The following UGT2B11 variants were observed in gnomAD, a reference collection of about 807,000 sequenced individuals.
UGT2B11 encodes UDP glucuronosyltransferase family 2 member B11.
UGT2B11 carries 49 observed loss-of-function variants against 51.7 expected under a neutral mutation model. That is an observed-to-expected ratio of 0.95 (90% CI 0.75 to 1.20). The LOEUF (loss-of-function observed/expected upper bound fraction) is 1.20. UGT2B11 is among the 50% of genes most tolerant of loss of function. The pLI is 0.00. For synonymous variants in UGT2B11, 273 were observed against 209.0 expected (o/e 1.31, Z -2.64); for missense variants, 810 against 622.1 (o/e 1.30, Z -3.21).
At chr4:69,212,290 T>A (rs1384778502) in intron 2 of UGT2B11, among the ~76,000 whole-genome samples, 1 of 151,694 alleles carries the variant, frequency 6.6e-6, no homozygotes, top group Non-Finnish European at 1.5e-5. Context: ...ATTATTTGAA[T>A]GAATGACCAA....
chr4:69,214,719 T>C lies in UGT2B11; in HGVS notation c.4A>G (p.Thr2Ala), dbSNP rs766019848. The C allele has an allele frequency of 5.6e-6, 9 of 1,611,830 alleles. No homozygotes were observed. Among genetic ancestry groups the C allele is most frequent in the African/African-American group, 1.3e-5 (1 of 74,796 alleles). Residue 2 changes from threonine to alanine, a missense_variant, in exon 1 of 6, where the codon ACT (threonine) becomes GCT (alanine). Coordinates refer to ENST00000446444, the MANE Select transcript of UGT2B11 (RefSeq NM_001073.3). M[T>A]LKWTSVLLLI... ...AGAAGAACTGAAGTCCATTTCAGAG[T>C]CATCCTGGTGCAATGCGATCATTCT...
upstream of UGT2B11, among the ~76,000 whole-genome samples, chr4:69,217,567 G>C (rs540159088): frequency 3.3e-5 from 5 of 152,116 alleles, no homozygotes; most frequent in Non-Finnish European, 7.4e-5. Context: ...TCTCAGAACA[G>C]CACTGCTGAA....
At chr4:69,201,393 A>G (rs1361058813) in intron 5 of UGT2B11, 1 of 151,870 alleles carries the variant, frequency 6.6e-6, no homozygotes, top group Non-Finnish European at 1.5e-5. Flanking sequence ...ATGTCAGACT[A>G]TGGCACTCTT....
intron 5 of UGT2B11, among the ~76,000 whole-genome samples, chr4:69,202,750 A>T (rs1721705841): frequency 6.6e-6 from 1 of 151,714 alleles, no homozygotes; most frequent in Non-Finnish European, 1.5e-5. Context: ...ATTTAAATCT[A>T]CCACATTGTT....
rs1165582827 is a variant in UGT2B11, at chr4:69,214,456, G to A, written c.267C>T (p.Ile89=). The A allele has an allele frequency of 1.2e-6, 2 of 1,613,232 alleles. No homozygotes were observed. Among genetic ancestry groups the A allele is most frequent in the Non-Finnish European group, 1.7e-6 (2 of 1,179,520 alleles). The change falls in exon 1 of 6, where the codon ATC becomes ATT. Residue 89 remains isoleucine (I), a synonymous_variant. Coordinates refer to ENST00000446444, the MANE Select transcript of UGT2B11 (RefSeq NM_001073.3). ...TSLTKTEFEN[I]IMQQVKRWSD... ...ACCATCTCTTAACCTGTTGCATGAT[G>A]ATATTCTCAAATTCAGTTTTAGTTA...
chr4:69,223,399 A>T, the UGT2B11 span, among the ~76,000 whole-genome samples: 12 of 152,264 alleles, frequency 7.9e-5, no homozygotes, highest in African/African-American at 2.4e-4. Flanking sequence ...GCTCATGGCC[A>T]CTTTTCCTGA....
chr4:69,204,583 T>C lies in UGT2B11; in HGVS notation c.1157A>G (p.His386Arg), dbSNP rs1721779859. ...TGGAATGCCCACCATAGGGATCCCA[T>C]GGTAGATTGCCTCATAGATGCCATT... is the stretch of plus-strand genomic sequence containing the variant. ...GANGIYEAIYHGIPMVGIPLF... is the reference protein window; with the variant it reads ...GANGIYEAIYRGIPMVGIPLF... Residue 386 changes from histidine (H) to arginine (R), a missense_variant, in exon 5 of 6, where the codon CAT becomes CGT. Transcript: ENST00000446444. 1.2e-6 allele frequency: 2 copies of C among 1,612,144 alleles called. No homozygotes were observed. Among genetic ancestry groups the C allele is most frequent in the South Asian group, 1.1e-5 (1 of 91,046 alleles).
rs1721615234 is a variant in UGT2B11, at chr4:69,200,562, A to G, written c.1468T>C (p.Ser490Pro). Residue 490 changes from serine (S) to proline (P), a missense_variant, in exon 6 of 6, where the codon TCT becomes CCT. Physicochemically the swap from Ser to Pro is moderately conservative, Grantham distance 74. Transcript: ENST00000446444. The stretch of plus-strand genomic sequence containing the variant: ...AGCAGAAACCCAATCACATCCAAAG[A>G]GTGGTACTGGAACCAGGTGAGGTCA... ...AHDLTWFQYHSLDVIGFLLAC... is the reference protein window; with the variant it reads ...AHDLTWFQYHPLDVIGFLLAC... 1.2e-6 allele frequency: 2 copies of G among 1,612,454 alleles called. No homozygotes were observed. The highest frequency in any genetic ancestry group is 1.7e-6 in the Non-Finnish European group (2 of 1,179,004).
At chr4:69,207,215 A>G (rs1309365002) in intron 3 of UGT2B11, among the ~76,000 whole-genome samples, 1 of 151,710 alleles carries the variant, frequency 6.6e-6, no homozygotes, top group African/African-American at 2.4e-5. Context: ...GTCAACAGTG[A>G]TTAATATGTT....
intron 2 of UGT2B11, among the ~76,000 whole-genome samples, chr4:69,210,880 T>C (rs1722035275): frequency 6.6e-6 from 1 of 151,680 alleles, no homozygotes; most frequent in African/African-American, 2.4e-5. Context: ...TGTACATATG[T>C]CTTAAAATGT....
At chr4:69,220,063 G>A in the UGT2B11 span, among the ~76,000 whole-genome samples, 2 of 152,128 alleles carry the variant, frequency 1.3e-5, no homozygotes, top group Admixed American at 1.3e-4. Context: ...GAAGAAACAG[G>A]CATTGGATAA....
At chr4:69,224,296 T>A in the UGT2B11 span, among the ~76,000 whole-genome samples, 1 of 151,936 alleles carries the variant, frequency 6.6e-6, no homozygotes, top group Non-Finnish European at 1.5e-5. Context: ...GGGAGAGCCT[T>A]TGGAGGGGCC....
At position 69,205,533 on chromosome 4, in the gene UGT2B11, G is replaced by C. The variant is rs143304000; in HGVS notation, c.1037C>G (p.Ala346Gly). 3.7e-6 allele frequency: 6 copies of C among 1,610,490 alleles called. No individual in the cohort carries two copies. In the East Asian group the frequency reaches 1.1e-4, roughly 30 times the overall value. Residue 346 changes from alanine (A) to glycine (G), a missense_variant, in exon 4 of 6, where the codon GCC becomes GGC. Transcript: ENST00000446444. ...GTACAGCCGAGTATTGAGACCTAAGGCATCTGGTTTATTCCCGTCAAATCT... is the reference window on the plus strand; with the variant it reads ...GTACAGCCGAGTATTGAGACCTAAGCCATCTGGTTTATTCCCGTCAAATCT... ...LWRFDGNKPD[A>G]LGLNTRLYKW...
intron 5 of UGT2B11, among the ~76,000 whole-genome samples, chr4:69,203,755 G>A (rs967381402): frequency 2.6e-5 from 4 of 151,682 alleles, no homozygotes; most frequent in African/African-American, 9.7e-5. Flanking sequence ...CACAGCACCT[G>A]AGACTGTATG....
At chr4:69,220,847 G>T in the UGT2B11 span, among the ~76,000 whole-genome samples, 3 of 151,944 alleles carry the variant, frequency 2.0e-5, no homozygotes, top group Non-Finnish European at 2.9e-5. Flanking sequence ...ATAAGTCTAG[G>T]GCTCTCCGAT....
At chr4:69,213,547 A>T (rs1251965730) in intron 1 of UGT2B11, among the ~76,000 whole-genome samples, 1 of 151,730 alleles carries the variant, frequency 6.6e-6, no homozygotes, top group Non-Finnish European at 1.5e-5. Context: ...ACCTTCTGGA[A>T]ACATGGGAAT....
At chr4:69,209,192 G>A (rs2109948984) in intron 2 of UGT2B11, among the ~76,000 whole-genome samples, 1 of 151,778 alleles carries the variant, frequency 6.6e-6, no homozygotes, top group South Asian at 2.1e-4. Flanking sequence ...TGGAATTGTA[G>A]AGTTTATAGT....
rs1577963224 is a variant in UGT2B11, at chr4:69,208,442, A to G, written c.911T>C (p.Val304Ala). 8 of 1,609,800 alleles carry G rather than the reference A, an allele frequency of 5.0e-6. No homozygotes were observed. The highest frequency in any genetic ancestry group is 2.0e-4 in the Middle Eastern group (1 of 5,050). ...EFVQSSGENG[V>A]VVFSLGSVIS... is the part of the protein sequence containing the mutation. Reference sequence around the variant, plus strand: ...CACTGACCCCAGAGAAAACACCACAACACCATTTTCTCCAGAGCTCTGTAC... The same window carrying G: ...CACTGACCCCAGAGAAAACACCACAGCACCATTTTCTCCAGAGCTCTGTAC... The change falls in exon 3 of 6, where the codon GTT becomes GCT. Residue 304 changes from valine to alanine, a missense_variant. By Grantham distance (64) the Val-to-Ala change is moderately conservative (BLOSUM62 0). Transcript: ENST00000446444.
chr4:69,218,978 T>A (rs184950758), upstream of UGT2B11, among the ~76,000 whole-genome samples: 903 of 152,196 alleles, frequency 5.9e-3, 4 homozygotes, highest in Middle Eastern at 0.02. Context: ...CTGTCTACTA[T>A]TCCTTTGACT....
Sources: allele counts gnomAD v4.1 joint callset (sites outside exome capture counted in the v4.1 genomes callset), GRCh38; gene constraint gnomAD v4.1.1; transcripts MANE v1.5; gene names NCBI Gene and HGNC (gene_info 2026-07-23, HGNC 2026-07-21).